The following THSD4 variants were observed in gnomAD, a reference collection of about 807,000 sequenced individuals.
The protein encoded by THSD4 is thrombospondin type-1 domain-containing protein 4.
THSD4 carries 69 observed loss-of-function variants against 119.0 expected under a neutral mutation model. The ratio of observed to expected loss-of-function variants is 0.58; its 90% CI spans 0.48 to 0.71. THSD4 has a LOEUF of 0.71. Among genes scored for constraint, THSD4 ranks in the 30% least tolerant of loss-of-function variants. The probability of loss-of-function intolerance (pLI) is 0.00; values close to 1 mark genes in which losing one functional copy is unlikely to be tolerated. For missense variants in THSD4, 1,393 were observed against 1,391.1 expected (o/e 1.00, Z -0.02); for synonymous variants, 524 against 540.4 (o/e 0.97, Z 0.42).
intron 3 of THSD4, among the ~76,000 whole-genome samples, chr15:71,169,869 TAGACTTA>T (rs1353653748): frequency 4.6e-5 from 7 of 152,206 alleles, no homozygotes; most frequent in Middle Eastern, 3.4e-3. Flanking sequence ...GTTAAGGAGA[TAGACTTA>T]AGAGTCCAGC....
intron 8 of THSD4, among the ~76,000 whole-genome samples, chr15:71,705,457 A>G (rs1374433912): frequency 6.6e-6 from 1 of 152,182 alleles, no homozygotes; most frequent in Non-Finnish European, 1.5e-5. Flanking sequence ...TCTAACCCCG[A>G]GCAGCTTATC....
chr15:71,673,040 T>C (rs920492769), intron 8 of THSD4, among the ~76,000 whole-genome samples: 5 of 152,214 alleles, frequency 3.3e-5, no homozygotes, highest in Non-Finnish European at 5.9e-5. Flanking sequence ...TTTCTATTGA[T>C]TGGAATAGTT....
intron 7 of THSD4, among the ~76,000 whole-genome samples, chr15:71,539,385 G>A (rs565586923): frequency 6.6e-6 from 1 of 152,162 alleles, no homozygotes; most frequent in Non-Finnish European, 1.5e-5. Context: ...GAACACTTTA[G>A]CCATACCATA....
intron 6 of THSD4, among the ~76,000 whole-genome samples, chr15:71,359,146 A>G (rs913788264): frequency 3.3e-5 from 5 of 152,154 alleles, no homozygotes; most frequent in South Asian, 2.1e-4. Flanking sequence ...CTCTTCTGCT[A>G]TGAATTACTC....
chr15:71,145,512 T>G (rs906379708), intron 2 of THSD4, among the ~76,000 whole-genome samples: 2 of 152,150 alleles, frequency 1.3e-5, no homozygotes, highest in Non-Finnish European at 2.9e-5. Context: ...CAGTAAAGTA[T>G]TATTACTTTA....
intron 7 of THSD4, among the ~76,000 whole-genome samples, chr15:71,595,615 A>AT (rs915880457): frequency 0.029 from 9 of 308 alleles, no homozygotes; most frequent in African/African-American, 0.045. Context: ...TATGTTCAGA[A>AT]CTTGGAAGCT....
chr15:71,327,082 G>T (rs528633285), intron 6 of THSD4, among the ~76,000 whole-genome samples: 1 of 151,796 alleles, frequency 6.6e-6, no homozygotes, highest in Non-Finnish European at 1.5e-5. Flanking sequence ...CGGGAGAATC[G>T]CTTGAACCCA....
intron 4 of THSD4, among the ~76,000 whole-genome samples, chr15:71,226,279 A>G (rs1209313067): frequency 6.6e-6 from 1 of 152,174 alleles, no homozygotes; most frequent in Non-Finnish European, 1.5e-5. Context: ...TTTTATTACT[A>G]TTGACTAGAT....
chr15:71,651,100 C>G (rs2051078326), intron 7 of THSD4, among the ~76,000 whole-genome samples: 1 of 152,134 alleles, frequency 6.6e-6, no homozygotes, highest in Non-Finnish European at 1.5e-5. Context: ...AAGATGGCTC[C>G]ATCAAAGGCC....
intron 7 of THSD4, among the ~76,000 whole-genome samples, chr15:71,630,356 G>A (rs2050602192): frequency 6.6e-6 from 1 of 152,102 alleles, no homozygotes; most frequent in Admixed American, 6.5e-5. Flanking sequence ...TCTAGGCAGG[G>A]CTCAGTATAC....
chr15:71,243,520 T>G (rs2044172769), intron 5 of THSD4, among the ~76,000 whole-genome samples: 1 of 152,162 alleles, frequency 6.6e-6, no homozygotes, highest in Non-Finnish European at 1.5e-5. Context: ...AGTGAAGTTG[T>G]GAAGAGTCTT....
chr15:71,214,913 T>C (rs1441083095), intron 3 of THSD4, 122 bp from the exon 4 acceptor site: 5 of 1,197,340 alleles, frequency 4.2e-6, no homozygotes, highest in East Asian at 3.6e-5. Context: ...ATTGTATTAA[T>C]ACTTATCTTT....
intron 6 of THSD4, among the ~76,000 whole-genome samples, chr15:71,374,621 G>C (rs945152663): frequency 9.2e-5 from 14 of 152,170 alleles, no homozygotes; most frequent in African/African-American, 3.4e-4. Context: ...CTTCTTCAGA[G>C]GCTGCATTGA....
At chr15:71,403,381 T>C (rs2046564349) in intron 6 of THSD4, among the ~76,000 whole-genome samples, 1 of 152,216 alleles carries the variant, frequency 6.6e-6, no homozygotes, top group Non-Finnish European at 1.5e-5. Context: ...AAGGCATTAC[T>C]CAATTATTGT....
At chr15:71,305,352 T>C (rs1177653648) in intron 6 of THSD4, among the ~76,000 whole-genome samples, 1 of 152,196 alleles carries the variant, frequency 6.6e-6, no homozygotes, top group South Asian at 2.1e-4. Context: ...TCAATTATCA[T>C]CAAACCCCAG....
At chr15:71,662,327 T>C (rs2051326953) in intron 8 of THSD4, among the ~76,000 whole-genome samples, 1 of 152,142 alleles carries the variant, frequency 6.6e-6, no homozygotes, top group South Asian at 2.1e-4. Flanking sequence ...AGAAAAACTG[T>C]TCAATTTGCT....
At position 71,169,909 on chromosome 15, in the gene THSD4, C is replaced by G. The variant is rs1008855713; in HGVS notation, c.99+14977C>G. Among the ~76,000 whole-genome samples the G allele has an allele frequency of 1.6e-4, 25 of 152,170 alleles. 1 individual carries two copies. Among genetic ancestry groups the G allele is most frequent in the Admixed American group, 1.4e-3 (22 of 15,286 alleles). On this transcript the variant is annotated intron_variant, in intron 3 of 17. Coordinates refer to ENST00000261862, the MANE Select transcript of THSD4 (RefSeq NM_024817.3). ...AGCAAGATGGCCAGGCATGGTGGCT[C>G]AAGCCTGTAATCCCAGCATTTTGGA...
chr15:71,624,998 T>G (rs536932192), intron 7 of THSD4, among the ~76,000 whole-genome samples: 45 of 151,060 alleles, frequency 3.0e-4, no homozygotes, highest in African/African-American at 1.1e-3. Flanking sequence ...TTTGTTGTTG[T>G]TTTGTTTGTT....
intron 6 of THSD4, among the ~76,000 whole-genome samples, chr15:71,386,579 AAAAT>A (rs767826148): frequency 1.5e-4 from 23 of 152,344 alleles, no homozygotes; most frequent in Non-Finnish European, 2.2e-4. Context: ...AATTTATAGA[AAAAT>A]AAAGCTAACA....
Sources: gnomAD v4.1 joint callset for allele counts (sites outside exome capture counted in the v4.1 genomes callset) on GRCh38, gnomAD v4.1.1 for gene constraint, MANE v1.5 for transcripts, NCBI Gene and HGNC (gene_info 2026-07-23, HGNC 2026-07-21) for gene names.